Variants in TMEM39A observed in about 807,000 individuals in gnomAD.
TMEM39A encodes suppressor of SQST-1 aggregates in rpl-43 mutants.
TMEM39A carries 19 observed loss-of-function variants against 51.9 expected under a neutral mutation model. That is an observed-to-expected ratio of 0.37 (90% confidence interval 0.26 to 0.54). The LOEUF (loss-of-function observed/expected upper bound fraction) is 0.54. Among genes scored for constraint, TMEM39A ranks in the 20% least tolerant of loss-of-function variants. The probability of loss-of-function intolerance (pLI) is 0.88; values close to 1 mark genes in which losing one functional copy is unlikely to be tolerated. For missense variants in TMEM39A, 433 were observed against 590.5 expected (o/e 0.73, Z 2.76); for synonymous variants, 197 against 220.2 (o/e 0.89, Z 0.93).
chr3:119,463,251 A>T (rs2107698018), intron 1 of TMEM39A, 85 bp downstream of exon 1: 1 of 237,896 alleles, frequency 4.2e-6, no homozygotes, highest in African/African-American at 2.2e-5. Flanking sequence ...GCAGAAAGGT[A>T]GACAAAGCAG....
At chr3:119,432,341 G>A in intron 8 of TMEM39A, 127 bp from the exon 9 acceptor site, 1 of 596,174 alleles carries the variant, frequency 1.7e-6, no homozygotes. Context: ...AAATAGATCT[G>A]TTTATTTAAT....
chr3:119,463,297 C>T (rs924060512), intron 1 of TMEM39A, 39 bp downstream of exon 1: 12 of 319,624 alleles, frequency 3.8e-5, no homozygotes, highest in Non-Finnish European at 6.2e-5. Flanking sequence ...GAGGCAGGTC[C>T]AGGACAGCCG....
intron 5 of TMEM39A, among the ~76,000 whole-genome samples, chr3:119,441,940 T>C (rs1200511497): frequency 6.6e-6 from 1 of 152,246 alleles, no homozygotes; most frequent in African/African-American, 2.4e-5. Flanking sequence ...CTGCCAATGC[T>C]CTAGAAATAG....
chr3:119,438,876 T>C (rs2081011935), intron 5 of TMEM39A, among the ~76,000 whole-genome samples: 1 of 152,182 alleles, frequency 6.6e-6, no homozygotes, highest in African/African-American at 2.4e-5. Flanking sequence ...ACCATGTTTA[T>C]TCGATTTTTA....
chr3:119,450,957 G>T (rs1223663550), intron 4 of TMEM39A, among the ~76,000 whole-genome samples: 7 of 151,836 alleles, frequency 4.6e-5, no homozygotes. Context: ...AGTTTTGAAG[G>T]GTTACACACT....
Position 119,458,032 on chromosome 3 carries a change from A to C in TMEM39A, c.322T>G (p.Ser108Ala). ...GTAAGACTTACCAGTGATGTACAAG[A>C]AGCAGGATGATTGTAAGGATACCAC... is the stretch of plus-strand genomic sequence containing the variant. The part of the protein sequence containing the change: ...VWWYPYNHPA[S>A]CTSLNFHLID... Residue 108 changes from serine (S) to alanine (A), a missense_variant, in exon 3 of 9, where the codon TCT becomes GCT. By Grantham distance (99) the Ser-to-Ala change is moderately conservative. Transcript: ENST00000319172. 1 of 1,613,698 alleles carries C rather than the reference A, an allele frequency of 6.2e-7. No homozygotes were observed. Among genetic ancestry groups the C allele is most frequent in the Non-Finnish European group, 8.5e-7 (1 of 1,179,650 alleles).
intron 5 of TMEM39A, among the ~76,000 whole-genome samples, chr3:119,446,408 A>G (rs1163327251): frequency 6.6e-6 from 1 of 152,250 alleles, no homozygotes; most frequent in Non-Finnish European, 1.5e-5. Flanking sequence ...CGGCACAGAC[A>G]TGGTGGACAA....
intron 5 of TMEM39A, among the ~76,000 whole-genome samples, chr3:119,444,237 A>T (rs540817877): frequency 1.4e-4 from 21 of 152,324 alleles, no homozygotes; most frequent in African/African-American, 5.1e-4. Flanking sequence ...AATATTCTTC[A>T]ATATACCCAT....
intron 4 of TMEM39A, among the ~76,000 whole-genome samples, 154 bp from the exon 5 acceptor site, chr3:119,447,326 C>T (rs2081141004): frequency 6.6e-6 from 1 of 152,200 alleles, no homozygotes; most frequent in African/African-American, 2.4e-5. Flanking sequence ...ACCTTATCTT[C>T]GTAATAATTG....
At position 119,431,758 on chromosome 3, in the gene TMEM39A, A is replaced by C. The variant is rs950729315; in HGVS notation, c.*223T>G. On this transcript the variant is annotated 3_prime_UTR_variant, in exon 9 of 9. Coordinates refer to ENST00000319172, the MANE Select transcript of TMEM39A (RefSeq NM_018266.3). ...ACAAACAAATCAATCTCTTTACTGG[A>C]CAGGCATACCTCTCATATGTATATT... 5.7e-6 allele frequency: 2 copies of C among 351,460 alleles called. No individual in the cohort carries two copies. Among genetic ancestry groups the C allele is most frequent in the Non-Finnish European group, 1.0e-5 (2 of 195,404 alleles). 21.8% of individuals were successfully genotyped at this position (351,460 alleles called of 1,614,324 possible).
intron 4 of TMEM39A, 62 bp downstream of exon 4, chr3:119,452,385 T>C: frequency 7.6e-7 from 1 of 1,324,036 alleles, no homozygotes; most frequent in Non-Finnish European, 1.1e-6. Flanking sequence ...GTTTTTAACC[T>C]GCACCCATTC....
At chr3:119,432,886 A>C (rs1025007990) in intron 8 of TMEM39A, among the ~76,000 whole-genome samples, 2 of 152,106 alleles carry the variant, frequency 1.3e-5, no homozygotes, top group Non-Finnish European at 2.9e-5. Flanking sequence ...CAGGATAAGG[A>C]GGAAGGAAGG....
chr3:119,462,232 G>C, intron 1 of TMEM39A, 84 bp from the exon 2 acceptor site: 3 of 585,252 alleles, frequency 5.1e-6, no homozygotes, highest in Non-Finnish European at 9.2e-6. Flanking sequence ...GAGTAAGCAG[G>C]CCTTACAAAA....
intron 4 of TMEM39A, among the ~76,000 whole-genome samples, chr3:119,448,611 G>A (rs6802790): frequency 0.12 from 18,152 of 152,186 alleles, 2,703 homozygotes; most frequent in African/African-American, 0.35. Flanking sequence ...GCCTCAAACT[G>A]TGAAGATGGC....
At chr3:119,448,467 A>G (rs1219780931) in intron 4 of TMEM39A, among the ~76,000 whole-genome samples, 1 of 152,230 alleles carries the variant, frequency 6.6e-6, no homozygotes, top group Non-Finnish European at 1.5e-5. Flanking sequence ...TACAGATCAT[A>G]TTATGGAGTA....
At chr3:119,433,764 G>A (rs577592900) in intron 8 of TMEM39A, among the ~76,000 whole-genome samples, 51 of 152,142 alleles carry the variant, frequency 3.4e-4, no homozygotes, top group Non-Finnish European at 5.1e-4. Context: ...CTGGCGTCAA[G>A]AAGGAGATGC....
rs1227873956 is a variant in TMEM39A, at chr3:119,432,080, G to A, written c.1368C>T (p.Phe456=). The A allele has an allele frequency of 2.5e-6, 4 of 1,613,186 alleles. No individual in the cohort carries two copies. Among genetic ancestry groups the A allele is most frequent in the Non-Finnish European group, 2.5e-6 (3 of 1,179,494 alleles). ...GTTTAAATAAAACATAGTAGTTGCAGAAGAGGATGAGAGCCATGGAAAGTG... is the reference window on the plus strand; with the variant it reads ...GTTTAAATAAAACATAGTAGTTGCAAAAGAGGATGAGAGCCATGGAAAGTG... The part of the protein sequence containing the change: ...NHTLSMALIL[F]CNYYVLFKLL... Residue 456 remains phenylalanine (F), a synonymous_variant, in exon 9 of 9, where the codon TTC becomes TTT. Coordinates refer to ENST00000319172, the MANE Select transcript of TMEM39A (RefSeq NM_018266.3).
At chr3:119,455,967 G>A (rs1035671358) in intron 3 of TMEM39A, among the ~76,000 whole-genome samples, 4 of 152,006 alleles carry the variant, frequency 2.6e-5, no homozygotes, top group African/African-American at 9.7e-5. Flanking sequence ...CAGTTTATAG[G>A]TCTTACATTC....
intron 4 of TMEM39A, chr3:119,451,145 A>C: frequency 1.3e-6 from 1 of 789,880 alleles, no homozygotes; most frequent in Non-Finnish European, 1.6e-6. Context: ...CCTCTAAATA[A>C]AAACTCTGAA....
Sources: allele counts gnomAD v4.1 joint callset (sites outside exome capture counted in the v4.1 genomes callset), GRCh38; gene constraint gnomAD v4.1.1; transcripts MANE v1.5; gene names NCBI Gene and HGNC (gene_info 2026-07-23, HGNC 2026-07-21).